Variants in CPB1 observed in about 807,000 individuals in gnomAD.
CPB1 encodes the protein carboxypeptidase B1.
In CPB1, 53 loss-of-function variants were observed where a neutral mutation model predicts 51.4. That is an observed-to-expected ratio of 1.03 (90% confidence interval 0.83 to 1.30). The LOEUF (loss-of-function observed/expected upper bound fraction) is 1.30. Ranked by LOEUF, CPB1 falls within the 50% of genes most tolerant of loss-of-function variation. The pLI is 0.00. For missense variants in CPB1, 494 were observed against 516.2 expected, an observed-to-expected ratio of 0.96 and a Z score of 0.42; for synonymous variants, 189 against 186.9, an observed-to-expected ratio of 1.01 and a Z score of -0.09.
At chr3:148,838,906 A>G (rs914717217) in intron 3 of CPB1, among the ~76,000 whole-genome samples, 4 of 152,220 alleles carry the variant, frequency 2.6e-5, no homozygotes, top group Non-Finnish European at 5.9e-5. Flanking sequence ...TAACAATTCA[A>G]CTGGGATAGT....
At chr3:148,835,718 C>A (rs913871257) in intron 3 of CPB1, among the ~76,000 whole-genome samples, 3 of 152,156 alleles carry the variant, frequency 2.0e-5, no homozygotes, top group African/African-American at 7.2e-5. Context: ...AATGTTTATC[C>A]GGCAATCCCC....
intron 2 of CPB1, 44 bp from the exon 3 acceptor site, chr3:148,834,454 T>C: frequency 1.3e-6 from 2 of 1,572,152 alleles, no homozygotes; most frequent in Non-Finnish European, 1.7e-6. Flanking sequence ...TTATCCTTCA[T>C]CCATTGAATT....
At chr3:148,827,938 G>A (rs776145474) in intron 1 of CPB1, 44 bp downstream of exon 1, 1 of 1,611,756 alleles carries the variant, frequency 6.2e-7, no homozygotes, top group South Asian at 1.1e-5. Flanking sequence ...TTCCTTGCTA[G>A]CCCCCAAATT....
intron 9 of CPB1, among the ~76,000 whole-genome samples, chr3:148,850,468 A>T (rs1713392644): frequency 6.6e-6 from 1 of 151,808 alleles, no homozygotes; most frequent in Non-Finnish European, 1.5e-5. Flanking sequence ...CACCCGGCTA[A>T]TTTTTTTGTA....
At chr3:148,845,706 G>A (rs3765131) in intron 9 of CPB1, 80 bp downstream of exon 9, 253,641 of 1,158,516 alleles carry the variant, frequency 0.22, 28,875 homozygotes, top group East Asian at 0.29. Flanking sequence ...ATCATTATAA[G>A]AACACTTTCT....
Position 148,828,000 on chromosome 3 carries a change from A to G in CPB1, c.72-2A>G, listed in dbSNP as rs1452368233. ...CTGTGCTTCTATTATCTCATTATTC[A>G]GCGAGAAGGTGTTCCGTGTTAACGT... On this transcript the variant is annotated splice_acceptor_variant, in intron 1 of 10. Coordinates refer to ENST00000282957, the MANE Select transcript of CPB1 (RefSeq NM_001871.3). LOFTEE classifies it high-confidence loss of function. 2.5e-6 allele frequency: 4 copies of G among 1,613,846 alleles called. No homozygotes were observed. Among genetic ancestry groups the G allele is most frequent in the Non-Finnish European group, 3.4e-6 (4 of 1,179,872 alleles).
At chr3:148,837,712 TC>T (rs1371265460) in intron 3 of CPB1, among the ~76,000 whole-genome samples, 1 of 151,562 alleles carries the variant, frequency 6.6e-6, no homozygotes, top group Non-Finnish European at 1.5e-5. Context: ...TTGAGGTCAG[TC>T]CCCCGCCTTC....
chr3:148,833,573 C>T (rs1424720213), intron 2 of CPB1, among the ~76,000 whole-genome samples: 3 of 152,124 alleles, frequency 2.0e-5, no homozygotes, highest in Non-Finnish European at 4.4e-5. Flanking sequence ...CAGAGATTGG[C>T]TGAGACACAG....
At chr3:148,858,926 A>C (rs567573637) in intron 10 of CPB1, among the ~76,000 whole-genome samples, 1 of 152,358 alleles carries the variant, frequency 6.6e-6, no homozygotes, top group Non-Finnish European at 1.5e-5. Flanking sequence ...GAGAGGCTCC[A>C]GTCCTGAGTT....
chr3:148,840,850 T>G (rs764204460), intron 4 of CPB1, 24 bp from the exon 5 acceptor site: 4 of 1,613,694 alleles, frequency 2.5e-6, no homozygotes, highest in Non-Finnish European at 3.4e-6. Context: ...GCCACATTGA[T>G]CTACAAATGA....
chr3:148,850,388 A>T (rs1393056685), intron 9 of CPB1, among the ~76,000 whole-genome samples: 1 of 151,396 alleles, frequency 6.6e-6, no homozygotes, highest in Non-Finnish European at 1.5e-5. Flanking sequence ...TGCAAGCTCC[A>T]CCTCCCGGGT....
rs1248635046 is a variant in CPB1 at position 148,841,884 on chromosome 3, A to G, written c.536A>G (p.Glu179Gly). The change falls in exon 6 of 11, where the codon GAG becomes GGG. Residue 179 changes from glutamate to glycine, a missense_variant. Glu to Gly is a moderately conservative substitution (Grantham distance 98, BLOSUM62 -2). Transcript: ENST00000282957. ...ATGGACTGTGGTTTCCATGCCAGAG[A>G]GTGGATTTCTCCTGCATTCTGCCAG... ...IFMDCGFHAR[E>G]WISPAFCQWF... 3 of 1,614,034 alleles carry G rather than the reference A, an allele frequency of 1.9e-6. No individual in the cohort carries two copies. Among genetic ancestry groups the G allele is most frequent in the Admixed American group, 1.7e-5 (1 of 60,024 alleles).
At chr3:148,851,420 T>A (rs538263627) in intron 9 of CPB1, 2 of 150,856 alleles carry the variant, frequency 1.3e-5, no homozygotes, top group African/African-American at 4.9e-5. Flanking sequence ...AGAAATTTCA[T>A]TGAGCACCTA....
intron 3 of CPB1, among the ~76,000 whole-genome samples, chr3:148,837,510 T>C (rs868477617): frequency 6.6e-6 from 1 of 150,700 alleles, no homozygotes; most frequent in Non-Finnish European, 1.5e-5. Context: ...AGAAGTTGGA[T>C]GGCACTATAA....
At chr3:148,858,800 A>G (rs1051226303) in intron 10 of CPB1, among the ~76,000 whole-genome samples, 4 of 152,026 alleles carry the variant, frequency 2.6e-5, no homozygotes, top group African/African-American at 9.7e-5. Context: ...TTCAATTTCT[A>G]CGTATATCTT....
chr3:148,838,913 T>G (rs1274155577), intron 3 of CPB1, among the ~76,000 whole-genome samples: 1 of 152,228 alleles, frequency 6.6e-6, no homozygotes, highest in African/African-American at 2.4e-5. Context: ...TCAACTGGGA[T>G]AGTAAATATA....
chr3:148,834,423 G>A (rs1712831138), intron 2 of CPB1, 75 bp from the exon 3 acceptor site: 2 of 1,311,122 alleles, frequency 1.5e-6, no homozygotes, highest in Admixed American at 1.8e-5. Context: ...CAATTCAGTA[G>A]AGCAATAATG....
At chr3:148,848,452 C>T (rs774973671) in intron 9 of CPB1, among the ~76,000 whole-genome samples, 4 of 152,154 alleles carry the variant, frequency 2.6e-5, no homozygotes, top group Admixed American at 1.3e-4. Flanking sequence ...GGACTTACAG[C>T]GTTCTGCCAA....
intron 9 of CPB1, 77 bp from the exon 10 acceptor site, chr3:148,857,380 T>C: frequency 8.8e-7 from 1 of 1,140,570 alleles, no homozygotes. Context: ...TTTGAATGCC[T>C]TAAAAATAAT....
Sources: allele counts gnomAD v4.1 joint callset (sites outside exome capture counted in the v4.1 genomes callset), GRCh38; gene constraint gnomAD v4.1.1; transcripts MANE v1.5; gene names NCBI Gene and HGNC (gene_info 2026-07-23, HGNC 2026-07-21).